The following FHOD3 variants were observed in gnomAD, a reference collection of about 807,000 sequenced individuals.
FHOD3 encodes FH1/FH2 domain-containing protein 3.
Under a neutral mutation model 173.0 loss-of-function variants are expected in FHOD3, and 90 were observed. The observed-to-expected ratio is 0.52, with a 90% CI of 0.44 to 0.62. The LOEUF is 0.62. Ranked by LOEUF, FHOD3 falls within the 20% of genes least tolerant of loss-of-function variation. The probability of loss-of-function intolerance (pLI) is 0.00; values close to 1 mark genes in which losing one functional copy is unlikely to be tolerated. For synonymous variants in FHOD3, 828 were observed against 823.0 expected, an observed-to-expected ratio of 1.01 and a Z score of -0.10; for missense variants, 1,945 against 2,034.7, an observed-to-expected ratio of 0.96 and a Z score of 0.85.
At chr18:36,392,183 G>C (rs187664923) in intron 3 of FHOD3, among the ~76,000 whole-genome samples, 49 of 152,306 alleles carry the variant, frequency 3.2e-4, no homozygotes, top group Middle Eastern at 3.4e-3. Context: ...GACAGTCATA[G>C]GGTTTTGGGG....
In FHOD3 at chr18:36,652,762, C is replaced by A; in HGVS notation, c.1479C>A (p.Ala493=). The A allele has an allele frequency of 6.5e-7, 1 of 1,535,958 alleles. No individual in the cohort carries two copies. The highest frequency in any genetic ancestry group is 8.7e-7 in the Non-Finnish European group (1 of 1,146,732). The part of the protein sequence containing the change: ...ATPSALLSPP[A]SAARPSSATP... ...CATCTGCCCTCCTGTCACCCCCTGCCTCAGCTGCTCGGCCCTCCTCCGCCA... is the reference window on the plus strand; with the variant it reads ...CATCTGCCCTCCTGTCACCCCCTGCATCAGCTGCTCGGCCCTCCTCCGCCA... The change falls in exon 12 of 29, where the codon GCC becomes GCA. Residue 493 remains alanine (A), a synonymous_variant. Coordinates refer to ENST00000590592, the MANE Select transcript of FHOD3 (RefSeq NM_001281740.3).
At chr18:36,664,359 A>G (rs912924074) in intron 14 of FHOD3, among the ~76,000 whole-genome samples, 6 of 152,194 alleles carry the variant, frequency 3.9e-5, no homozygotes, top group African/African-American at 1.4e-4. Context: ...TGGACTGCGC[A>G]GAAGCAGTCT....
chr18:36,687,473 G>T (rs2038699119), intron 16 of FHOD3, among the ~76,000 whole-genome samples: 1 of 152,138 alleles, frequency 6.6e-6, no homozygotes, highest in Non-Finnish European at 1.5e-5. Context: ...GCTGAGCCTG[G>T]ACTACATGTT....
chr18:36,607,846 A>G (rs936118228), intron 8 of FHOD3, among the ~76,000 whole-genome samples: 2 of 152,204 alleles, frequency 1.3e-5, no homozygotes, highest in Non-Finnish European at 2.9e-5. Flanking sequence ...TTTAAAACAA[A>G]GATGGTTTTT....
chr18:36,691,451 C>G (rs1600259795), intron 16 of FHOD3, among the ~76,000 whole-genome samples: 1 of 152,254 alleles, frequency 6.6e-6, no homozygotes, highest in East Asian at 1.9e-4. Context: ...GAACTTGCCA[C>G]CATCCCATTT....
At chr18:36,589,934 G>A (rs977378116) in intron 6 of FHOD3, among the ~76,000 whole-genome samples, 5 of 152,098 alleles carry the variant, frequency 3.3e-5, no homozygotes, top group East Asian at 3.9e-4. Flanking sequence ...GAAACCCTTC[G>A]TTACCACGTG....
At chr18:36,744,321 G>T in intron 23 of FHOD3, 128 bp downstream of exon 23, 1 of 891,662 alleles carries the variant, frequency 1.1e-6, no homozygotes, top group Non-Finnish European at 1.7e-6. Context: ...CTCTGCTCTG[G>T]AGTTTATGAA....
chr18:36,451,724 A>G (rs2051858067), intron 3 of FHOD3, among the ~76,000 whole-genome samples: 1 of 152,178 alleles, frequency 6.6e-6, no homozygotes, highest in Non-Finnish European at 1.5e-5. Flanking sequence ...GCAGGATGAA[A>G]TCAGCTTCTC....
chr18:36,670,245 G>C (rs879261646), intron 14 of FHOD3, among the ~76,000 whole-genome samples: 9 of 152,012 alleles, frequency 5.9e-5, no homozygotes, highest in Non-Finnish European at 1.3e-4. Flanking sequence ...CTTGGGACTT[G>C]AGATTCTTGA....
chr18:36,590,243 T>C (rs1320030069), intron 6 of FHOD3, among the ~76,000 whole-genome samples: 1 of 152,190 alleles, frequency 6.6e-6, no homozygotes, highest in Admixed American at 6.5e-5. Context: ...TTAAGAGCTA[T>C]GGGATGAGCA....
intron 3 of FHOD3, among the ~76,000 whole-genome samples, chr18:36,476,086 C>G (rs754725703): frequency 1.3e-5 from 2 of 152,134 alleles, no homozygotes; most frequent in African/African-American, 2.4e-5. Context: ...CATTTGTTTA[C>G]TCATTCATTC....
At chr18:36,690,732 TA>T (rs11393054) in intron 16 of FHOD3, among the ~76,000 whole-genome samples, 57 of 150,158 alleles carry the variant, frequency 3.8e-4, no homozygotes, top group Admixed American at 2.7e-3. Flanking sequence ...CCCCGCCATA[TA>T]AAAAAAAAAC....
intron 10 of FHOD3, among the ~76,000 whole-genome samples, chr18:36,626,453 A>C (rs2034115282): frequency 6.6e-6 from 1 of 152,198 alleles, no homozygotes. Flanking sequence ...GTTTGACAAA[A>C]TCTGCCAAAC....
chr18:36,483,747 C>T (rs1044271783), intron 3 of FHOD3, among the ~76,000 whole-genome samples: 1 of 152,220 alleles, frequency 6.6e-6, no homozygotes, highest in Non-Finnish European at 1.5e-5. Context: ...GAATGTCATA[C>T]ATTTCGCCAT....
intron 17 of FHOD3, among the ~76,000 whole-genome samples, chr18:36,693,981 A>G (rs190390549): frequency 6.6e-6 from 1 of 152,290 alleles, no homozygotes; most frequent in East Asian, 1.9e-4. Flanking sequence ...CAGACAGGCA[A>G]GCTCTCCTGG....
At chr18:36,644,637 A>G (rs1485874467) in intron 10 of FHOD3, among the ~76,000 whole-genome samples, 1 of 152,238 alleles carries the variant, frequency 6.6e-6, no homozygotes, top group Non-Finnish European at 1.5e-5. Flanking sequence ...CCCAAAGAGA[A>G]GACAGCTTGG....
chr18:36,683,907 A>T (rs958528912), intron 15 of FHOD3, among the ~76,000 whole-genome samples: 1 of 152,160 alleles, frequency 6.6e-6, no homozygotes, highest in Non-Finnish European at 1.5e-5. Flanking sequence ...CAGTTACCAA[A>T]AGTATGCAGC....
intron 5 of FHOD3, among the ~76,000 whole-genome samples, chr18:36,536,562 T>G (rs1406060513): frequency 2.0e-5 from 3 of 152,228 alleles, no homozygotes; most frequent in Non-Finnish European, 4.4e-5. Flanking sequence ...CTGTGCTGGC[T>G]CTGCACATGT....
At chr18:36,543,887 G>A (rs550982494) in intron 5 of FHOD3, among the ~76,000 whole-genome samples, 2 of 152,312 alleles carry the variant, frequency 1.3e-5, no homozygotes, top group South Asian at 4.1e-4. Context: ...ATCTCTTTCA[G>A]TTATTTCTGC....
Sources: allele counts gnomAD v4.1 joint callset (sites outside exome capture counted in the v4.1 genomes callset), GRCh38; gene constraint gnomAD v4.1.1; transcripts MANE v1.5; gene names NCBI Gene and HGNC (gene_info 2026-07-23, HGNC 2026-07-21).